The following HSD17B13 variants were observed in gnomAD, a reference collection of about 807,000 sequenced individuals.
The protein encoded by HSD17B13 is hydroxysteroid 17-beta dehydrogenase 13, also known as 17-beta-hydroxysteroid dehydrogenase 13.
A neutral mutation model predicts 31.1 loss-of-function variants in HSD17B13; 26 were observed. That is an observed-to-expected ratio of 0.84 (90% CI 0.61 to 1.16). HSD17B13 has a LOEUF of 1.16. Among genes scored for constraint, HSD17B13 ranks in the 50% most tolerant of loss-of-function variants. The probability of loss-of-function intolerance (pLI) is 0.00; values close to 1 mark genes in which losing one functional copy is unlikely to be tolerated. For synonymous variants in HSD17B13, 141 were observed against 133.7 expected, an observed-to-expected ratio of 1.05 and a Z score of -0.38; for missense variants, 374 against 366.5, an observed-to-expected ratio of 1.02 and a Z score of -0.17.
chr4:87,316,310 A>G (rs1233034162), intron 3 of HSD17B13, among the ~76,000 whole-genome samples: 3 of 152,176 alleles, frequency 2.0e-5, no homozygotes, highest in African/African-American at 7.2e-5. Flanking sequence ...TAAGTTTTGT[A>G]TAATTTGTTA....
At chr4:87,307,517 A>T (rs760955441) in intron 6 of HSD17B13, among the ~76,000 whole-genome samples, 32 of 152,104 alleles carry the variant, frequency 2.1e-4, no homozygotes, top group Non-Finnish European at 4.0e-4. Context: ...TCATTTTTTT[A>T]AAAAATTTAT....
chr4:87,315,054 A>G (rs899274635), intron 4 of HSD17B13, among the ~76,000 whole-genome samples: 2 of 152,214 alleles, frequency 1.3e-5, no homozygotes, highest in Admixed American at 6.5e-5. Flanking sequence ...GAGGCAGGGA[A>G]CATAAGGCCG....
intron 6 of HSD17B13, among the ~76,000 whole-genome samples, chr4:87,309,859 C>T (rs1427877490): frequency 6.6e-6 from 1 of 152,018 alleles, no homozygotes; most frequent in African/African-American, 2.4e-5. Context: ...AAAGATGCTC[C>T]ATAATAATAG....
chr4:87,321,438 A>G (rs934726888), intron 1 of HSD17B13, among the ~76,000 whole-genome samples: 1 of 152,236 alleles, frequency 6.6e-6, no homozygotes, highest in African/African-American at 2.4e-5. Flanking sequence ...CCAAAAATAC[A>G]CATCTGGAAA....
chr4:87,308,042 C>A (rs1311756795), intron 6 of HSD17B13, among the ~76,000 whole-genome samples: 2 of 152,176 alleles, frequency 1.3e-5, no homozygotes, highest in African/African-American at 2.4e-5. Flanking sequence ...TTAGAAACTG[C>A]TCCTCAGAAG....
At chr4:87,308,398 C>T (rs936593826) in intron 6 of HSD17B13, among the ~76,000 whole-genome samples, 2 of 142,176 alleles carry the variant, frequency 1.4e-5, no homozygotes, top group African/African-American at 5.1e-5. Context: ...GCCTGTAATC[C>T]CAGCACTTTG....
intron 3 of HSD17B13, among the ~76,000 whole-genome samples, chr4:87,316,024 G>A (rs796360549): frequency 6.7e-4 from 102 of 152,240 alleles, no homozygotes; most frequent in African/African-American, 2.3e-3. Context: ...GTTGAGTAGT[G>A]TAAGCTGAGA....
intron 5 of HSD17B13, among the ~76,000 whole-genome samples, chr4:87,312,518 C>CTTT (rs747820120): frequency 1.8e-4 from 13 of 71,632 alleles, no homozygotes; most frequent in Admixed American, 4.0e-4. Flanking sequence ...ACCTTTAATT[C>CTTT]TTTTTTTTTT....
In HSD17B13 at chr4:87,310,443, TA is replaced by T. The variant is rs796617091; in HGVS notation, c.696-85del. On this transcript the variant is annotated intron_variant, in intron 5 of 6. Coordinates refer to ENST00000328546, the MANE Select transcript of HSD17B13 (RefSeq NM_178135.5). Reference sequence around the variant, plus strand: ...AAATGATGGCAGGAAAATTATCCTATATTTTTACTAAATTTAGAATGAAGAT... The same window carrying T: ...AAATGATGGCAGGAAAATTATCCTATTTTTTACTAAATTTAGAATGAAGAT... 1.1e-5 allele frequency: 14 copies of T among 1,233,900 alleles called. 1 individual carries two copies. The African/African-American group carries it at 2.2e-4, about 19-fold the overall frequency. 76.4% of individuals were successfully genotyped at this position (1,233,900 alleles called of 1,614,324 possible).
rs763384411 is a variant in HSD17B13 at position 87,322,780 on chromosome 4, G to A, written c.62C>T (p.Ser21Leu). ...CTGAGGAATGAAAAACTTCACCAAC[G>A]ACTCCAAGTAGGAGTAGATGATGGT... ...LITIIYSYLE[S>L]LVKFFIPQRR... The change falls in exon 1 of 7, where the codon TCG becomes TTG. Residue 21 changes from serine (S) to leucine (L), a missense_variant. Transcript: ENST00000328546. 3.6e-5 allele frequency: 58 copies of A among 1,613,982 alleles called. No individual in the cohort carries two copies. The South Asian group carries it at 5.1e-4, about 14-fold the overall frequency.
intron 3 of HSD17B13, among the ~76,000 whole-genome samples, chr4:87,315,912 T>A (rs942007823): frequency 6.6e-6 from 1 of 152,186 alleles, no homozygotes; most frequent in Non-Finnish European, 1.5e-5. Context: ...TTTTCAGAAC[T>A]AAAATTATTC....
At chr4:87,311,124 C>G (rs1270295289) in intron 5 of HSD17B13, among the ~76,000 whole-genome samples, 7 of 152,106 alleles carry the variant, frequency 4.6e-5, no homozygotes, top group Admixed American at 3.3e-4. Flanking sequence ...TTTACAAATA[C>G]CATGGCAATG....
rs549945263 is a variant in HSD17B13 at position 87,319,507 on chromosome 4, C to A, written c.211-1071G>T. Among the ~76,000 whole-genome samples the A allele has an allele frequency of 3.7e-4, 57 of 152,324 alleles. No individual in the cohort carries two copies. The South Asian group carries it at 0.011, about 29-fold the overall frequency. On this transcript the variant is annotated intron_variant, in intron 1 of 6. Transcript: ENST00000328546. ...TAATTTATCATACATTTGTTGAGCACCAACTATGTAATAGGCAGTAAAGTG... is the reference window on the plus strand; with the variant it reads ...TAATTTATCATACATTTGTTGAGCAACAACTATGTAATAGGCAGTAAAGTG...
intron 6 of HSD17B13, among the ~76,000 whole-genome samples, chr4:87,308,808 T>A (rs1458116126): frequency 3.3e-5 from 5 of 151,446 alleles, no homozygotes; most frequent in African/African-American, 1.2e-4. Context: ...AATGGACAAA[T>A]TCCTTGAAAG....
At position 87,322,820 on chromosome 4, in the gene HSD17B13, G is replaced by T; in HGVS notation, c.22C>A (p.Leu8Ile). Residue 8 changes from leucine (L) to isoleucine (I), a missense_variant, in exon 1 of 7, where the codon CTT becomes ATT. Leu to Ile is a conservative substitution (Grantham distance 5). Transcript: ENST00000328546. ...TAGATGATGGTGATCAGAAGCAGAA[G>T]GATTTCTAGGATGATGTTCATGGCT... MNIILEI[L>I]LLLITIIYSY... The T allele has an allele frequency of 6.2e-7, 1 of 1,614,062 alleles. No individual in the cohort carries two copies. Among genetic ancestry groups the T allele is most frequent in the African/African-American group, 1.3e-5 (1 of 75,042 alleles).
chr4:87,315,725 C>A, intron 3 of HSD17B13, 126 bp from the exon 4 acceptor site: 1 of 524,490 alleles, frequency 1.9e-6, no homozygotes, highest in Non-Finnish European at 3.4e-6. Context: ...TAAAATACTT[C>A]CAAGCATTCC....
At chr4:87,305,343 C>G (rs775379472) in intron 6 of HSD17B13, 35 bp from the exon 7 acceptor site, 47 of 1,412,778 alleles carry the variant, frequency 3.3e-5, no homozygotes, top group Non-Finnish European at 4.3e-5. Context: ...GAAAAATTTT[C>G]CATTTAAAAT....
At chr4:87,312,518 CTTTTTTTTT>C (rs747820120) in intron 5 of HSD17B13, among the ~76,000 whole-genome samples, 1 of 71,594 alleles carries the variant, frequency 1.4e-5, no homozygotes, top group Non-Finnish European at 2.4e-5. Flanking sequence ...ACCTTTAATT[CTTTTTTTTT>C]TTTTTTTTTT....
At position 87,322,620 on chromosome 4, in the gene HSD17B13, T is replaced by G. The variant is rs780979861; in HGVS notation, c.210+12A>C. ...TCTGTGACTTTAAAAAGTTGGAAGATGTATACATTACCTTATTAATATCCC... is the reference window on the plus strand; with the variant it reads ...TCTGTGACTTTAAAAAGTTGGAAGAGGTATACATTACCTTATTAATATCCC... On this transcript the variant is annotated intron_variant, in intron 1 of 6. Coordinates refer to ENST00000328546, the MANE Select transcript of HSD17B13 (RefSeq NM_178135.5). 1.9e-6 allele frequency: 3 copies of G among 1,559,564 alleles called. No homozygotes were observed. The African/African-American group carries it at 4.1e-5, about 21-fold the overall frequency.
Sources: gnomAD v4.1 joint callset for allele counts (sites outside exome capture counted in the v4.1 genomes callset) on GRCh38, gnomAD v4.1.1 for gene constraint, MANE v1.5 for transcripts, NCBI Gene and HGNC (gene_info 2026-07-23, HGNC 2026-07-21) for gene names.